WDFY2: variants seen among roughly 807,000 people sequenced by gnomAD.
WDFY2 encodes WD repeat and FYVE domain containing 2.
Under a neutral mutation model 56.4 loss-of-function variants are expected in WDFY2, and 36 were observed. The observed-to-expected ratio is 0.64, with a 90% CI of 0.49 to 0.84. The LOEUF (loss-of-function observed/expected upper bound fraction) is 0.84. Ranked by LOEUF, WDFY2 falls within the 40% of genes least tolerant of loss-of-function variation. The pLI, the probability that WDFY2 is intolerant of heterozygous loss-of-function variation, is 0.00. For synonymous variants in WDFY2, 176 were observed against 183.7 expected (o/e 0.96, Z 0.34); for missense variants, 444 against 512.2 (o/e 0.87, Z 1.29).
chr13:51,636,441 T>C (rs566298403), intron 1 of WDFY2, among the ~76,000 whole-genome samples: 1 of 152,314 alleles, frequency 6.6e-6, no homozygotes, highest in South Asian at 2.1e-4. Flanking sequence ...CCTTGACCCA[T>C]TGAGGCATGA....
chr13:51,589,613 A>G (rs1399503939), intron 1 of WDFY2: 1 of 152,186 alleles, frequency 6.6e-6, no homozygotes, highest in Non-Finnish European at 1.5e-5. Flanking sequence ...CATGTATTTT[A>G]TAACATTTGC....
rs116145373 is a variant in WDFY2, at chr13:51,729,208, T to A, written c.598+1418T>A. On this transcript the variant is annotated intron_variant, in intron 6 of 11. Transcript: ENST00000298125. ...GCTGCTGGGTCTACAGTAGTCACGC[T>A]GCCTTGAGGCTTAGACCATCATTAC... 8.5e-3 allele frequency among the ~76,000 whole-genome samples: 1,293 copies of A among 152,214 alleles called. 16 individuals are homozygous for A. The highest frequency in any genetic ancestry group is 0.029 in the African/African-American group (1,220 of 41,510).
chr13:51,634,870 G>C (rs1271645208), intron 1 of WDFY2, among the ~76,000 whole-genome samples: 4 of 152,166 alleles, frequency 2.6e-5, no homozygotes, highest in Non-Finnish European at 5.9e-5. Flanking sequence ...AGTTGGAGTA[G>C]AGGGAAGGGA....
intron 4 of WDFY2, among the ~76,000 whole-genome samples, chr13:51,706,820 A>G (rs931114895): frequency 6.6e-6 from 1 of 152,192 alleles, no homozygotes; most frequent in African/African-American, 2.4e-5. Flanking sequence ...TTTTTTTTAA[A>G]TTGTAAAACT....
At chr13:51,635,363 C>G (rs1471457075) in intron 1 of WDFY2, among the ~76,000 whole-genome samples, 1 of 152,180 alleles carries the variant, frequency 6.6e-6, no homozygotes, top group Non-Finnish European at 1.5e-5. Flanking sequence ...TTTCACAGAA[C>G]AGCATGTATT....
At chr13:51,759,377 T>G (rs1295841895) in intron 11 of WDFY2, among the ~76,000 whole-genome samples, 1 of 152,248 alleles carries the variant, frequency 6.6e-6, no homozygotes, top group Non-Finnish European at 1.5e-5. Context: ...ATTGTCGCTT[T>G]CATGTTGGCT....
chr13:51,726,093 T>G (rs1303775554), intron 5 of WDFY2, among the ~76,000 whole-genome samples: 1 of 152,252 alleles, frequency 6.6e-6, no homozygotes, highest in Non-Finnish European at 1.5e-5. Flanking sequence ...TTGTTAGATC[T>G]TAATCCCTCT....
At chr13:51,618,532 T>TG (rs1954665509) in intron 1 of WDFY2, among the ~76,000 whole-genome samples, 1 of 152,258 alleles carries the variant, frequency 6.6e-6, no homozygotes, top group South Asian at 2.1e-4. Flanking sequence ...GAATCAGTTA[T>TG]ACCACCTGGT....
intron 4 of WDFY2, among the ~76,000 whole-genome samples, chr13:51,714,245 G>A (rs367614713): frequency 1.1e-3 from 168 of 151,848 alleles, no homozygotes; most frequent in South Asian, 3.9e-3. Context: ...TGTTGACAAG[G>A]ATGTGGAGAA....
At chr13:51,677,234 T>C (rs1161025583) in intron 3 of WDFY2, among the ~76,000 whole-genome samples, 1 of 152,178 alleles carries the variant, frequency 6.6e-6, no homozygotes, top group Non-Finnish European at 1.5e-5. Context: ...CTTACTCCAG[T>C]CTTCTGAAAA....
chr13:51,685,819 A>C (rs1371977826), intron 3 of WDFY2, among the ~76,000 whole-genome samples: 3 of 152,198 alleles, frequency 2.0e-5, no homozygotes, highest in Admixed American at 1.3e-4. Flanking sequence ...CATTAGCCGG[A>C]GCAACTTGGA....
Position 51,763,927 on chromosome 13 carries a change from G to A in WDFY2, c.*4158G>A, listed in dbSNP as rs1953667236. 6.6e-6 allele frequency: 1 copy of A among 152,216 alleles called. No homozygotes were observed. Among genetic ancestry groups the A allele is most frequent in the Non-Finnish European group, 1.5e-5 (1 of 68,044 alleles). 9.4% of individuals were successfully genotyped at this position (152,216 alleles called of 1,614,324 possible). On this transcript the variant is annotated 3_prime_UTR_variant, in exon 12 of 12. Transcript: ENST00000298125. ...CTGGACATAAATATTCACTAAATGAGATTCCTTTGGTTATGGCTGTTCATA... is the reference window on the plus strand; with the variant it reads ...CTGGACATAAATATTCACTAAATGAAATTCCTTTGGTTATGGCTGTTCATA...
At chr13:51,613,756 A>G (rs1395225537) in intron 1 of WDFY2, among the ~76,000 whole-genome samples, 2 of 152,118 alleles carry the variant, frequency 1.3e-5, no homozygotes, top group East Asian at 1.9e-4. Context: ...TGGTGTGCTG[A>G]TAAGGGTAAT....
intron 1 of WDFY2, among the ~76,000 whole-genome samples, chr13:51,602,845 T>G (rs1484435267): frequency 6.6e-6 from 1 of 152,218 alleles, no homozygotes; most frequent in East Asian, 1.9e-4. Context: ...GTTCATGCTT[T>G]AAGCTTAGGA....
chr13:51,716,826 G>T (rs1593445091), intron 4 of WDFY2, among the ~76,000 whole-genome samples: 1 of 129,052 alleles, frequency 7.7e-6, no homozygotes, highest in Admixed American at 7.8e-5. Flanking sequence ...ATATTAAAAA[G>T]AATTACACAG....
Position 51,703,576 on chromosome 13 carries a change from A to G in WDFY2, c.280-20A>G. On this transcript the variant is annotated intron_variant, in intron 3 of 11. Transcript: ENST00000298125. The stretch of plus-strand genomic sequence containing the variant: ...CTTAAAGAATTTATTTTTGTTTAAT[A>G]GTTTTCTTTTCTTTTACAGGAGTTT... 1 of 1,548,162 alleles carries G rather than the reference A, an allele frequency of 6.5e-7. No homozygotes were observed. The highest frequency in any genetic ancestry group is 2.3e-5 in the East Asian group (1 of 44,024).
intron 1 of WDFY2, among the ~76,000 whole-genome samples, chr13:51,635,632 G>A (rs1257748496): frequency 3.9e-5 from 6 of 152,142 alleles, no homozygotes; most frequent in African/African-American, 9.7e-5. Flanking sequence ...TCAAACTCCC[G>A]GGAGGAACTC....
At chr13:51,710,853 G>A (rs1164696043) in intron 4 of WDFY2, among the ~76,000 whole-genome samples, 1 of 152,094 alleles carries the variant, frequency 6.6e-6, no homozygotes, top group Non-Finnish European at 1.5e-5. Flanking sequence ...CATGAAAATG[G>A]CCATACTGCC....
intron 6 of WDFY2, among the ~76,000 whole-genome samples, chr13:51,730,396 C>T (rs777611961): frequency 1.8e-4 from 28 of 152,178 alleles, no homozygotes; most frequent in Non-Finnish European, 3.5e-4. Context: ...TCTTCTATGA[C>T]GCTGCTGGCT....
Sources: gnomAD v4.1 joint callset for allele counts (sites outside exome capture counted in the v4.1 genomes callset) on GRCh38, gnomAD v4.1.1 for gene constraint, MANE v1.5 for transcripts, NCBI Gene and HGNC (gene_info 2026-07-23, HGNC 2026-07-21) for gene names.